The following CSGALNACT1 variants were observed in gnomAD, a reference collection of about 807,000 sequenced individuals.
CSGALNACT1 encodes chondroitin sulfate N-acetylgalactosaminyltransferase 1, also known as beta4GalNAcT-1.
In CSGALNACT1, 52 loss-of-function variants were observed where a neutral mutation model predicts 51.0. The observed-to-expected ratio is 1.02, with a 90% CI of 0.82 to 1.29. CSGALNACT1 has a LOEUF of 1.29. CSGALNACT1 is among the 50% of genes most tolerant of loss of function. The pLI is 0.00. For missense variants in CSGALNACT1, 935 were observed against 679.2 expected, an observed-to-expected ratio of 1.38 and a Z score of -4.19; for synonymous variants, 341 against 254.4, an observed-to-expected ratio of 1.34 and a Z score of -3.24.
At chr8:19,459,468 G>C (rs971651443) in intron 4 of CSGALNACT1, among the ~76,000 whole-genome samples, 1 of 152,002 alleles carries the variant, frequency 6.6e-6, no homozygotes, top group South Asian at 2.1e-4. Context: ...GGACCCCTGG[G>C]AGTAGCTCAG....
chr8:19,565,072 C>T (rs530419846), intron 3 of CSGALNACT1, among the ~76,000 whole-genome samples: 10 of 152,236 alleles, frequency 6.6e-5, no homozygotes, highest in African/African-American at 1.4e-4. Context: ...CAAATTTGGC[C>T]GAAGTTTGAA....
intron 2 of CSGALNACT1, among the ~76,000 whole-genome samples, chr8:19,601,455 A>G (rs1157839733): frequency 6.6e-6 from 1 of 152,202 alleles, no homozygotes; most frequent in African/African-American, 2.4e-5. Flanking sequence ...AACTGTTTCA[A>G]AAAGATGTAG....
intron 1 of CSGALNACT1, among the ~76,000 whole-genome samples, chr8:19,730,519 A>C (rs2063632411): frequency 6.6e-6 from 1 of 152,188 alleles, no homozygotes; most frequent in South Asian, 2.1e-4. Context: ...TTTTCCAATA[A>C]AGAAAAATGT....
intron 3 of CSGALNACT1, among the ~76,000 whole-genome samples, chr8:19,549,054 T>A (rs1268328468): frequency 6.6e-6 from 1 of 151,994 alleles, no homozygotes; most frequent in Non-Finnish European, 1.5e-5. Flanking sequence ...TGACATCAAG[T>A]AGTCCTCCTG....
rs776105829 is a variant in CSGALNACT1, at chr8:19,405,691, C to A, written c.*89G>T. ...CCCATCAGTCCAATTCTTTTGTCGT[C>A]CTTTATGGAAGTCTTTTCTCTGTTG... On this transcript the variant is annotated 3_prime_UTR_variant, in exon 10 of 10. Coordinates refer to ENST00000454498, the Ensembl canonical transcript of CSGALNACT1. 14 of 1,535,096 alleles carry A rather than the reference C, an allele frequency of 9.1e-6. No homozygotes were observed. In the East Asian group the frequency reaches 2.9e-4, roughly 32 times the overall value.
chr8:19,671,501 C>T (rs2059792712), intron 1 of CSGALNACT1, among the ~76,000 whole-genome samples: 1 of 152,174 alleles, frequency 6.6e-6, no homozygotes, highest in Non-Finnish European at 1.5e-5. Flanking sequence ...TTCCTTCACT[C>T]ATTTATTCAC....
rs1335949102 is a variant in CSGALNACT1, at chr8:19,481,443, A to G, written c.635-22801T>C. Among the ~76,000 whole-genome samples the G allele has an allele frequency of 1.2e-4, 19 of 152,184 alleles. No individual in the cohort carries two copies. In the East Asian group the frequency reaches 3.7e-3, roughly 29 times the overall value. On this transcript the variant is annotated intron_variant, in intron 4 of 9. Transcript: ENST00000454498. ...GGAAGGTGCTTAGCAGGTGCTCGAT[A>G]AACACCTGTGGACAGGAGTGACTTT...
intron 4 of CSGALNACT1, 147 bp downstream of exon 3, chr8:19,505,054 G>T: frequency 1.3e-6 from 1 of 793,526 alleles, no homozygotes. Flanking sequence ...AAAAAGCCAT[G>T]CCGTACCTTT....
intron 4 of CSGALNACT1, among the ~76,000 whole-genome samples, chr8:19,493,378 G>A (rs1190508044): frequency 1.3e-5 from 2 of 152,154 alleles, no homozygotes; most frequent in East Asian, 3.8e-4. Flanking sequence ...AAGCAGACAA[G>A]CTAATTTTTG....
At chr8:19,600,092 T>C (rs1286519531) in intron 2 of CSGALNACT1, among the ~76,000 whole-genome samples, 2 of 152,154 alleles carry the variant, frequency 1.3e-5, no homozygotes, top group Non-Finnish European at 2.9e-5. Flanking sequence ...CATTCATTCA[T>C]TCATTCATTT....
rs138198596 is a variant in CSGALNACT1 at position 19,630,407 on chromosome 8, C to A, written c.-543-28542G>T. Among the ~76,000 whole-genome samples the A allele has an allele frequency of 2.1e-3, 325 of 152,080 alleles. 4 individuals are homozygous for A. Among genetic ancestry groups the A allele is most frequent in the African/African-American group, 7.4e-3 (305 of 41,470 alleles). On this transcript the variant is annotated intron_variant, in intron 1 of 9. Coordinates refer to the CSGALNACT1 transcript ENST00000332246. ...TACAGAGTTCCCATATATTCCCAAC[C>A]ACCCCCATCAGTTTCCCCCATTATT...
intron 3 of CSGALNACT1, among the ~76,000 whole-genome samples, chr8:19,563,463 G>A (rs2041235948): frequency 6.6e-6 from 1 of 152,112 alleles, no homozygotes; most frequent in African/African-American, 2.4e-5. Context: ...ATTATTTTCA[G>A]CAGAGACAAC....
rs555527127 is a variant in CSGALNACT1, at chr8:19,647,400, G to T, written c.-544+35073C>A. Among the ~76,000 whole-genome samples the T allele has an allele frequency of 4.6e-5, 7 of 152,320 alleles. No homozygotes were observed. In the South Asian group the frequency reaches 1.4e-3, roughly 32 times the overall value. ...CCACTGCACTCCACCCTGGGCGACA[G>T]AGCAAGATCCTCTCTCAAAAAATAT... On this transcript the variant is annotated intron_variant, in intron 1 of 9. Coordinates refer to the CSGALNACT1 transcript ENST00000332246.
chr8:19,583,752 C>G (rs2046062808), intron 3 of CSGALNACT1, among the ~76,000 whole-genome samples: 3 of 152,158 alleles, frequency 2.0e-5, no homozygotes, highest in Admixed American at 2.0e-4. Flanking sequence ...TCACTGCTAC[C>G]TTGCATCAGC....
chr8:19,756,386 A>T (rs2065376555), intron 1 of CSGALNACT1, among the ~76,000 whole-genome samples: 1 of 152,146 alleles, frequency 6.6e-6, no homozygotes, highest in Non-Finnish European at 1.5e-5. Context: ...ACTTATGAGT[A>T]TTTCCCGAGG....
At chr8:19,536,594 A>C (rs1165129016) in intron 3 of CSGALNACT1, among the ~76,000 whole-genome samples, 3 of 152,236 alleles carry the variant, frequency 2.0e-5, no homozygotes, top group African/African-American at 7.2e-5. Flanking sequence ...ATTCTCTTCA[A>C]ATTGATATAT....
chr8:19,504,657 T>A (rs1396571040), intron 4 of CSGALNACT1, among the ~76,000 whole-genome samples: 1 of 152,228 alleles, frequency 6.6e-6, no homozygotes, highest in African/African-American at 2.4e-5. Flanking sequence ...GTTAAGGACA[T>A]GGACTCTGGA....
At chr8:19,730,634 G>A (rs2063640541) in intron 1 of CSGALNACT1, among the ~76,000 whole-genome samples, 1 of 152,152 alleles carries the variant, frequency 6.6e-6, no homozygotes, top group Non-Finnish European at 1.5e-5. Context: ...AGAGCTACAG[G>A]GGTGATGCCC....
intron 5 of CSGALNACT1, among the ~76,000 whole-genome samples, chr8:19,451,247 C>A (rs993153410): frequency 1.2e-4 from 18 of 152,096 alleles, no homozygotes; most frequent in African/African-American, 4.1e-4. Context: ...CTTTGTTTTA[C>A]CCCTTTCTCC....
Sources: gnomAD v4.1 joint callset for allele counts (sites outside exome capture counted in the v4.1 genomes callset) on GRCh38, gnomAD v4.1.1 for gene constraint, MANE v1.5 for transcripts, NCBI Gene and HGNC (gene_info 2026-07-23, HGNC 2026-07-21) for gene names.